Variants in CDH18 observed in about 807,000 individuals in gnomAD.
CDH18 encodes cadherin 18.
In CDH18, 31 loss-of-function variants were observed where a neutral mutation model predicts 67.9. The observed-to-expected ratio is 0.46, with a 90% CI of 0.34 to 0.62. The LOEUF is 0.62. Ranked by LOEUF, CDH18 falls within the 20% of genes least tolerant of loss-of-function variation. CDH18 has a pLI of 0.01. For missense variants in CDH18, 890 were observed against 975.5 expected (o/e 0.91, Z 1.17); for synonymous variants, 362 against 347.2 (o/e 1.04, Z -0.48).
chr5:20,128,899 C>G (rs192496962), intron 2 of CDH18, among the ~76,000 whole-genome samples: 2 of 152,032 alleles, frequency 1.3e-5, no homozygotes, highest in Admixed American at 1.3e-4. Flanking sequence ...GTTTGCCAAG[C>G]TATGACTTAT....
intron 5 of CDH18, among the ~76,000 whole-genome samples, chr5:19,703,730 GC>G (rs1163430071): frequency 4.3e-5 from 5 of 117,368 alleles, no homozygotes; most frequent in Non-Finnish European, 7.1e-5. Context: ...TGCCCCCCCT[GC>G]CCCCCGCCGA....
At chr5:19,917,485 C>A (rs1791957391) in intron 2 of CDH18, among the ~76,000 whole-genome samples, 1 of 152,072 alleles carries the variant, frequency 6.6e-6, no homozygotes, top group African/African-American at 2.4e-5. Flanking sequence ...AAAAGAGTAG[C>A]AAACACTGTA....
chr5:20,415,064 G>A (rs915480629), intron 1 of CDH18, among the ~76,000 whole-genome samples: 2 of 152,124 alleles, frequency 1.3e-5, no homozygotes, highest in Non-Finnish European at 2.9e-5. Flanking sequence ...TAGCAGCCAA[G>A]ATGTGGTAAC....
At chr5:19,582,640 T>G (rs2149990540) in intron 7 of CDH18, among the ~76,000 whole-genome samples, 1 of 152,164 alleles carries the variant, frequency 6.6e-6, no homozygotes, top group Admixed American at 6.5e-5. Flanking sequence ...TTTTTGATAA[T>G]GAAATTCCTA....
At chr5:20,155,450 T>C in intron 2 of CDH18, among the ~76,000 whole-genome samples, 1 of 152,074 alleles carries the variant, frequency 6.6e-6, no homozygotes, top group Non-Finnish European at 1.5e-5. Flanking sequence ...CGGAGCTTTT[T>C]AGTTCTTTGT....
intron 11 of CDH18, among the ~76,000 whole-genome samples, chr5:19,496,450 G>C (rs916090631): frequency 6.6e-6 from 1 of 152,144 alleles, no homozygotes; most frequent in African/African-American, 2.4e-5. Flanking sequence ...ATGTTGGGAG[G>C]TGGGGCCTAA....
chr5:20,003,702 C>T (rs931571140), intron 2 of CDH18, among the ~76,000 whole-genome samples: 5 of 152,104 alleles, frequency 3.3e-5, no homozygotes, highest in Non-Finnish European at 5.9e-5. Context: ...ACCATCCTGG[C>T]TAATACGGTG....
intron 2 of CDH18, among the ~76,000 whole-genome samples, chr5:20,103,763 T>A (rs1175466864): frequency 6.7e-6 from 1 of 148,560 alleles, no homozygotes; most frequent in African/African-American, 2.5e-5. Flanking sequence ...AAATTGTGTA[T>A]AATTTAATAT....
chr5:20,330,003 A>C (rs1047683836), intron 1 of CDH18, among the ~76,000 whole-genome samples: 2 of 152,106 alleles, frequency 1.3e-5, no homozygotes, highest in African/African-American at 4.8e-5. Flanking sequence ...AATAAAATTC[A>C]GATACAAATA....
intron 1 of CDH18, among the ~76,000 whole-genome samples, chr5:20,295,494 C>T (rs1452308473): frequency 7.2e-5 from 11 of 152,042 alleles, no homozygotes; most frequent in African/African-American, 2.7e-4. Flanking sequence ...TTTGGGAGGC[C>T]GAGGAGGGTG....
chr5:20,529,017 AAG>A (rs1303385658), intron 1 of CDH18, among the ~76,000 whole-genome samples: 1 of 152,032 alleles, frequency 6.6e-6, no homozygotes, highest in Non-Finnish European at 1.5e-5. Context: ...TAAAGAAGAA[AAG>A]AGAGAAGATT....
intron 2 of CDH18, among the ~76,000 whole-genome samples, chr5:20,235,771 T>G (rs1742431857): frequency 6.6e-6 from 1 of 152,178 alleles, no homozygotes; most frequent in African/African-American, 2.4e-5. Flanking sequence ...ATCCTGCTAT[T>G]GGGTATACAC....
intron 1 of CDH18, among the ~76,000 whole-genome samples, chr5:20,444,059 A>G (rs1167935284): frequency 6.6e-6 from 1 of 151,968 alleles, no homozygotes; most frequent in African/African-American, 2.4e-5. Flanking sequence ...TAATTTGTAT[A>G]AAACCCTTTC....
At chr5:19,830,651 G>T (rs1780915257) in intron 3 of CDH18, among the ~76,000 whole-genome samples, 1 of 152,080 alleles carries the variant, frequency 6.6e-6, no homozygotes, top group African/African-American at 2.4e-5. Context: ...ACTTAAAGGA[G>T]AGGTACCATT....
intron 3 of CDH18, among the ~76,000 whole-genome samples, chr5:19,811,078 A>AAAG (rs1778597103): frequency 8.0e-6 from 1 of 124,762 alleles, no homozygotes; most frequent in South Asian, 3.0e-4. Flanking sequence ...GAGAAAGAGA[A>AAAG]AAAGAAAGAA....
At chr5:19,799,047 T>C (rs1777147350) in intron 3 of CDH18, among the ~76,000 whole-genome samples, 1 of 152,092 alleles carries the variant, frequency 6.6e-6, no homozygotes, top group Admixed American at 6.6e-5. Context: ...AATGCCAAAA[T>C]GGACACAGGT....
chr5:20,211,970 T>C (rs1038812466), intron 2 of CDH18, among the ~76,000 whole-genome samples: 1 of 152,054 alleles, frequency 6.6e-6, no homozygotes, highest in South Asian at 2.1e-4. Flanking sequence ...AGATCAGTAA[T>C]AACAAACTTC....
intron 1 of CDH18, among the ~76,000 whole-genome samples, chr5:20,306,860 G>C (rs1736506404): frequency 9.6e-6 from 1 of 104,362 alleles, no homozygotes; most frequent in African/African-American, 4.2e-5. Context: ...AATAATTTAT[G>C]ATTTAATACA....
In CDH18 at chr5:20,242,620, A is replaced by ACACATATATATATATATACATG. The variant is rs1554106663; in HGVS notation, c.-518+12823_-518+12824insCATGTATATATATATATATGTG. Among the ~76,000 whole-genome samples, 5 of 68,878 alleles carry ACACATATATATATATATACATG rather than the reference A, an allele frequency of 7.3e-5. No individual in the cohort carries two copies. The East Asian group carries it at 1.3e-3, about 18-fold the overall frequency. 45.2% of individuals were successfully genotyped at this position (68,878 alleles called of 152,430 possible). ...GGAAAAAAAAAAAAAAAATATATAT[A>ACACATATATATATATATACATG]TATATATATATATGTATATATATAT... On this transcript the variant is annotated intron_variant, in intron 2 of 14. Transcript: ENST00000507958.
Sources: gnomAD v4.1 joint callset for allele counts (sites outside exome capture counted in the v4.1 genomes callset) on GRCh38, gnomAD v4.1.1 for gene constraint, MANE v1.5 for transcripts, NCBI Gene and HGNC (gene_info 2026-07-23, HGNC 2026-07-21) for gene names.